PHEX: variants seen among roughly 807,000 people sequenced by gnomAD.
The protein encoded by PHEX is phosphate regulating endopeptidase X-linked, also known as phosphate-regulating neutral endopeptidase PHEX.
Under a neutral mutation model 68.0 loss-of-function variants are expected in PHEX, and 16 were observed. The ratio of observed to expected loss-of-function variants is 0.24; its 90% CI spans 0.16 to 0.36. PHEX has a LOEUF of 0.36. Ranked by LOEUF, PHEX falls within the 10% of genes least tolerant of loss-of-function variation. The pLI is 1.00. For synonymous variants in PHEX, 208 were observed against 205.1 expected (o/e 1.01, Z -0.12); for missense variants, 480 against 575.5 (o/e 0.83, Z 1.70).
rs1003696957 is a variant in PHEX at position 22,052,521 on chromosome X, C to T, written c.349+5310C>T. On this transcript the variant is annotated intron_variant, in intron 3 of 21. Coordinates refer to ENST00000379374, the MANE Select transcript of PHEX (RefSeq NM_000444.6). Reference sequence around the variant, plus strand: ...GGGATTACAGGTGTGAGCTACCGTACTCAGCCGGATATACTATAATTTACT... The same window carrying T: ...GGGATTACAGGTGTGAGCTACCGTATTCAGCCGGATATACTATAATTTACT... Among the ~76,000 whole-genome samples the T allele has an allele frequency of 3.6e-5, 4 of 112,092 alleles. No individual in the cohort carries two copies. In the Admixed American group the frequency reaches 3.8e-4, roughly 11 times the overall value.
intron 21 of PHEX, 107 bp downstream of exon 21, chrX:22,245,516 C>T (rs1602439852): frequency 1.7e-6 from 1 of 588,583 alleles, no homozygotes; most frequent in African/African-American, 2.2e-5. Context: ...GAAAAAAATC[C>T]CACATTGTGG....
At chrX:22,099,444 A>T in intron 9 of PHEX, 15 of 230,916 alleles carry the variant, frequency 6.5e-5, no homozygotes, top group Non-Finnish European at 7.6e-5. Flanking sequence ...TAATGATGTT[A>T]TTTTCTAAAA....
At chrX:22,173,603 C>A (rs775384371) in intron 13 of PHEX, among the ~76,000 whole-genome samples, 48 of 110,543 alleles carry the variant, frequency 4.3e-4, no homozygotes, top group African/African-American at 1.5e-3. Flanking sequence ...CATGTATAGA[C>A]ACACATTACT....
chrX:22,132,905 G>A (rs1477488773), intron 11 of PHEX, among the ~76,000 whole-genome samples: 1 of 109,119 alleles, frequency 9.2e-6, no homozygotes, highest in East Asian at 2.9e-4. Flanking sequence ...TTATTTTTTG[G>A]AGACAGGGTC....
chrX:22,185,552 G>A (rs1934001660), intron 14 of PHEX, among the ~76,000 whole-genome samples: 1 of 111,692 alleles, frequency 9.0e-6, no homozygotes, highest in Non-Finnish European at 1.9e-5. Context: ...AAGCCATTGT[G>A]TTGGGCAAGC....
intron 12 of PHEX, among the ~76,000 whole-genome samples, chrX:22,146,844 AATTAATT>A (rs1932721484): frequency 1.8e-5 from 2 of 109,718 alleles, no homozygotes; most frequent in Non-Finnish European, 3.8e-5. Context: ...AAATAAAATT[AATTAATT>A]AATTAATTAA....
intron 15 of PHEX, among the ~76,000 whole-genome samples, chrX:22,209,950 A>AT (rs1375298200): frequency 3.7e-5 from 4 of 108,259 alleles, no homozygotes; most frequent in East Asian, 2.8e-4. Context: ...TAAAAAAAAA[A>AT]AAAAATAAAT....
Position 22,095,886 on chromosome X carries a change from C to G in PHEX, c.850-1069C>G, listed in dbSNP as rs111273855. On this transcript the variant is annotated intron_variant, in intron 7 of 21. Transcript: ENST00000379374. ...CAAGACAGTCCAGCCCAGCCAAATA[C>G]GTCCTTGTAATTACAACCAGGGAAG... Among the ~76,000 whole-genome samples, 448 of 112,306 alleles carry G rather than the reference C, an allele frequency of 4.0e-3. 1 individual carries two copies. Among genetic ancestry groups the G allele is most frequent in the African/African-American group, 0.013 (414 of 30,877 alleles).
intron 1 of PHEX, among the ~76,000 whole-genome samples, chrX:22,034,132 G>A (rs1926913257): frequency 8.9e-6 from 1 of 111,819 alleles, no homozygotes; most frequent in Non-Finnish European, 1.9e-5. Context: ...CTGATAAAGC[G>A]AAATCTCCTA....
intron 13 of PHEX, among the ~76,000 whole-genome samples, chrX:22,176,857 G>A (rs1236510200): frequency 3.6e-5 from 4 of 111,338 alleles, no homozygotes; most frequent in African/African-American, 1.3e-4. Context: ...CATGTAAACT[G>A]TTGTATTGCC....
At chrX:22,190,000 T>C (rs1164068277) in intron 14 of PHEX, among the ~76,000 whole-genome samples, 4 of 112,101 alleles carry the variant, frequency 3.6e-5, no homozygotes, top group Non-Finnish European at 7.5e-5. Context: ...GACCTCTGTG[T>C]TGTCACCAAT....
chrX:22,172,416 C>T, intron 13 of PHEX: 1 of 111,474 alleles, frequency 9.0e-6, no homozygotes, highest in Non-Finnish European at 1.9e-5. Context: ...AGATAAACCA[C>T]AGATTAGTAA....
At chrX:22,136,084 T>C (rs1383703364) in intron 12 of PHEX, among the ~76,000 whole-genome samples, 1 of 109,012 alleles carries the variant, frequency 9.2e-6, no homozygotes, top group Admixed American at 9.8e-5. Context: ...ATGCAGTTCT[T>C]AAAATGACCT....
intron 8 of PHEX, 83 bp downstream of exon 8, chrX:22,097,121 C>A: frequency 1.5e-6 from 1 of 663,372 alleles, no homozygotes; most frequent in Non-Finnish European, 2.5e-6. Flanking sequence ...AAATTTGTGT[C>A]TTGTAAAACC....
At chrX:22,062,991 C>T (rs1352543312) in intron 3 of PHEX, among the ~76,000 whole-genome samples, 3 of 111,315 alleles carry the variant, frequency 2.7e-5, no homozygotes, top group Admixed American at 9.6e-5. Flanking sequence ...GAACCCCTGA[C>T]CTCAAGTGAT....
At chrX:22,188,795 C>T (rs1934110766) in intron 14 of PHEX, among the ~76,000 whole-genome samples, 1 of 111,551 alleles carries the variant, frequency 9.0e-6, no homozygotes, top group African/African-American at 3.3e-5. Flanking sequence ...TTAAAATGTA[C>T]AATTACTATT....
At chrX:22,241,042 C>T (rs1936173396) in intron 20 of PHEX, among the ~76,000 whole-genome samples, 1 of 111,394 alleles carries the variant, frequency 9.0e-6, no homozygotes, top group Non-Finnish European at 1.9e-5. Flanking sequence ...CACTTCTCAG[C>T]AAATGCAAAA....
In PHEX at chrX:22,134,339, C is replaced by T. The variant is rs1227961416; in HGVS notation, c.1404+715C>T. ...GGTGCAGTGGCTCACGCCTGTAATA[C>T]CAGGACTTTGGGAGGCTGAGGCAGG... is the stretch of plus-strand genomic sequence containing the variant. On this transcript the variant is annotated intron_variant, in intron 12 of 21. Transcript: ENST00000379374. 2.7e-5 allele frequency among the ~76,000 whole-genome samples: 3 copies of T among 112,478 alleles called. No individual in the cohort carries two copies. The East Asian group carries it at 8.4e-4, about 31-fold the overall frequency.
chrX:22,225,886 T>C (rs1317493551), intron 18 of PHEX, among the ~76,000 whole-genome samples: 3 of 112,217 alleles, frequency 2.7e-5, no homozygotes, highest in African/African-American at 9.7e-5. Flanking sequence ...CTGGTTGTCA[T>C]ACATATCGCA....
Sources: gnomAD v4.1 joint callset for allele counts (sites outside exome capture counted in the v4.1 genomes callset) on GRCh38, gnomAD v4.1.1 for gene constraint, MANE v1.5 for transcripts, NCBI Gene and HGNC (gene_info 2026-07-23, HGNC 2026-07-21) for gene names.